The following DYNC2I1 variants were observed in gnomAD, a reference collection of about 807,000 sequenced individuals.
The protein encoded by DYNC2I1 is cytoplasmic dynein 2 intermediate chain 1.
In DYNC2I1, 89 loss-of-function variants were observed where a neutral mutation model predicts 133.4. That is an observed-to-expected ratio of 0.67 (90% CI 0.56 to 0.80). The LOEUF (loss-of-function observed/expected upper bound fraction) is 0.80, where lower values mean the gene tolerates loss of function less well. Among genes scored for constraint, DYNC2I1 ranks in the 30% least tolerant of loss-of-function variants. The pLI is 0.00. For synonymous variants in DYNC2I1, 504 were observed against 484.3 expected (o/e 1.04, Z -0.54); for missense variants, 1,291 against 1,314.5 (o/e 0.98, Z 0.28).
chr7:158,939,311 G>C (rs1241989812), intron 23 of DYNC2I1, among the ~76,000 whole-genome samples: 1 of 151,982 alleles, frequency 6.6e-6, no homozygotes, highest in Non-Finnish European at 1.5e-5. Context: ...TGGTGCCCAT[G>C]CCCACCTGTA....
intron 4 of DYNC2I1, among the ~76,000 whole-genome samples, chr7:158,952,194 C>T (rs572349871): frequency 4.6e-5 from 7 of 152,318 alleles, no homozygotes; most frequent in South Asian, 4.1e-4. Flanking sequence ...CTGTGGGATG[C>T]GCTAGAGTCA....
At chr7:158,866,857 C>T (rs372500458) in intron 1 of DYNC2I1, among the ~76,000 whole-genome samples, 44 of 151,620 alleles carry the variant, frequency 2.9e-4, no homozygotes, top group African/African-American at 1.1e-3. Flanking sequence ...TGCACTCCAG[C>T]CTGGGCGACA....
intron 8 of DYNC2I1, among the ~76,000 whole-genome samples, chr7:158,900,656 CTCT>C (rs1198159477): frequency 2.0e-5 from 3 of 150,908 alleles, no homozygotes; most frequent in Admixed American, 2.0e-4. Flanking sequence ...GTTCCTTTCT[CTCT>C]TCTTCTGCCA....
At chr7:158,915,782 GGAT>G (rs1193222378) in intron 14 of DYNC2I1, among the ~76,000 whole-genome samples, 7 of 145,798 alleles carry the variant, frequency 4.8e-5, no homozygotes, top group African/African-American at 7.8e-5. Flanking sequence ...TTGAGATTAA[GGAT>G]GATTGTGAAA....
rs762392108 is a variant in DYNC2I1, at chr7:158,945,645, C to G, written c.3067C>G (p.Leu1023Val). ...KAGGSFLALV[L>V]ARASGSIDIQ... ...TGGTGGCAGCTTCCTGGCCCTGGTG[C>G]TGGCCAGGGCGTCTGGCTCCATCGA... The change falls in exon 25 of 25, where the codon CTG (leucine) becomes GTG (valine). Residue 1023 changes from leucine (L) to valine (V), a missense_variant. Transcript: ENST00000407559. The surrounding 1 kb of genome is among the most constrained non-coding windows in gnomAD (Gnocchi z 4.1). 3.7e-6 allele frequency: 6 copies of G among 1,611,688 alleles called. No homozygotes were observed. Among genetic ancestry groups the G allele is most frequent in the Non-Finnish European group, 5.1e-6 (6 of 1,179,170 alleles).
At chr7:158,840,431 G>A in the DYNC2I1 span, among the ~76,000 whole-genome samples, 2 of 152,106 alleles carry the variant, frequency 1.3e-5, no homozygotes, top group African/African-American at 2.4e-5. Flanking sequence ...GCTGGCCATG[G>A]TGGTGGGCAC....
chr7:158,873,419 C>T (rs940348171), intron 3 of DYNC2I1, among the ~76,000 whole-genome samples: 2 of 152,156 alleles, frequency 1.3e-5, no homozygotes, highest in African/African-American at 4.8e-5. Context: ...ATCTGTTTAT[C>T]CCCTTCACTG....
At chr7:158,888,185 C>T (rs145439452) in intron 7 of DYNC2I1, among the ~76,000 whole-genome samples, 1,626 of 151,668 alleles carry the variant, frequency 0.011, 32 homozygotes, top group African/African-American at 0.037. Flanking sequence ...CCACCATGCC[C>T]GGCTAATTTT....
intron 23 of DYNC2I1, among the ~76,000 whole-genome samples, chr7:158,937,012 CAG>C (rs1466170224): frequency 3.3e-5 from 5 of 152,192 alleles, no homozygotes; most frequent in South Asian, 2.1e-4. Flanking sequence ...CAGCAGCAAA[CAG>C]GGAATCATGA....
intron 20 of DYNC2I1, among the ~76,000 whole-genome samples, chr7:158,929,524 G>A (rs1210090125): frequency 6.6e-6 from 1 of 152,220 alleles, no homozygotes; most frequent in Non-Finnish European, 1.5e-5. Context: ...CCCACAGGCG[G>A]TGGCGTGGGA....
intron 8 of DYNC2I1, among the ~76,000 whole-genome samples, chr7:158,894,518 G>T (rs1027784520): frequency 6.6e-6 from 1 of 152,126 alleles, no homozygotes; most frequent in Non-Finnish European, 1.5e-5. Context: ...TCTCTTCAAG[G>T]CTTTTAATAA....
At chr7:158,899,698 G>T (rs1391721416) in intron 8 of DYNC2I1, among the ~76,000 whole-genome samples, 2 of 152,156 alleles carry the variant, frequency 1.3e-5, no homozygotes, top group Non-Finnish European at 2.9e-5. Context: ...GATCTGATGG[G>T]TTTATCAGGG....
At chr7:158,865,563 G>C (rs571755412) in intron 1 of DYNC2I1, among the ~76,000 whole-genome samples, 6 of 152,284 alleles carry the variant, frequency 3.9e-5, no homozygotes, top group African/African-American at 1.4e-4. Context: ...GCTGAAGACC[G>C]CAGGCTCCAG....
chr7:158,851,910 A>G (rs1419002690), upstream of DYNC2I1, among the ~76,000 whole-genome samples: 3 of 152,188 alleles, frequency 2.0e-5, no homozygotes, highest in African/African-American at 7.2e-5. Context: ...CACAAATACT[A>G]TTCTGATTAT....
chr7:158,844,779 A>G, the DYNC2I1 span, among the ~76,000 whole-genome samples: 10 of 151,932 alleles, frequency 6.6e-5, no homozygotes, highest in Non-Finnish European at 5.9e-5. Context: ...GCACCACCAC[A>G]CCCAGCTAAT....
At position 158,902,371 on chromosome 7, in the gene DYNC2I1, T is replaced by C; in HGVS notation, c.1138-5T>C. ...AGGGTTCCAAAAGATTATTATTGTT[T>C]GCAGGACTATGAAGATGACTTTGAG... On this transcript the variant is annotated splice_region_variant and splice_polypyrimidine_tract_variant and intron_variant, in intron 9 of 24. Coordinates refer to ENST00000407559, the MANE Select transcript of DYNC2I1 (RefSeq NM_018051.5). 1.2e-6 allele frequency: 2 copies of C among 1,609,556 alleles called. No individual in the cohort carries two copies. Among genetic ancestry groups the C allele is most frequent in the Non-Finnish European group, 1.7e-6 (2 of 1,178,842 alleles).
rs73514537 is a variant in DYNC2I1 at position 158,921,407 on chromosome 7, G to A, written c.1922-970G>A. ...AGTTCCGCTGTAACAGGAGGTACAC[G>A]TTCCTAAAAATCGCTACACCGTGGA... On this transcript the variant is annotated intron_variant, in intron 15 of 24. Coordinates refer to ENST00000407559, the MANE Select transcript of DYNC2I1 (RefSeq NM_018051.5). Among the ~76,000 whole-genome samples the A allele has an allele frequency of 9.4e-3, 1,427 of 152,272 alleles. 12 individuals carry two copies. Among genetic ancestry groups the A allele is most frequent in the African/African-American group, 0.031 (1,296 of 41,538 alleles).
chr7:158,908,876 C>G (rs893262538), intron 11 of DYNC2I1, among the ~76,000 whole-genome samples: 7 of 152,168 alleles, frequency 4.6e-5, no homozygotes, highest in Non-Finnish European at 1.0e-4. Context: ...TCCCCAGTCT[C>G]TCACCAGATG....
chr7:158,903,578 C>T (rs1255759599), intron 10 of DYNC2I1: 6 of 152,274 alleles, frequency 3.9e-5, no homozygotes, highest in South Asian at 2.1e-4. Context: ...GCTGATAGAG[C>T]GTTCTTTAAA....
Sources: gnomAD v4.1 joint callset for allele counts (sites outside exome capture counted in the v4.1 genomes callset) on GRCh38, gnomAD v4.1.1 for gene constraint, Gnocchi (gnomAD v3.1) non-coding constraint, MANE v1.5 for transcripts, NCBI Gene and HGNC (gene_info 2026-07-23, HGNC 2026-07-21) for gene names.